Variants in CPS1 observed in about 807,000 individuals in gnomAD.
CPS1 encodes carbamoyl-phosphate synthase 1, also known as carbamoyl-phosphate synthase [ammonia], mitochondrial.
CPS1 carries 109 observed loss-of-function variants against 174.6 expected under a neutral mutation model. The observed-to-expected ratio is 0.62, with a 90% CI of 0.53 to 0.73. CPS1 has a LOEUF of 0.73. Among genes scored for constraint, CPS1 ranks in the 30% least tolerant of loss-of-function variants. The pLI, the probability that CPS1 is intolerant of heterozygous loss-of-function variation, is 0.00. For missense variants in CPS1, 1,689 were observed against 1,821.9 expected, an observed-to-expected ratio of 0.93 and a Z score of 1.33; for synonymous variants, 637 against 632.0, an observed-to-expected ratio of 1.01 and a Z score of -0.12.
chr2:210,551,170 G>A (rs1324511960), intron 1 of CPS1, among the ~76,000 whole-genome samples: 1 of 151,472 alleles, frequency 6.6e-6, no homozygotes, highest in African/African-American at 2.4e-5. Flanking sequence ...TAACTTACAC[G>A]TGACCTCCCT....
intron 20 of CPS1, among the ~76,000 whole-genome samples, chr2:210,613,236 G>A (rs911732992): frequency 7.9e-5 from 12 of 151,838 alleles, no homozygotes; most frequent in Non-Finnish European, 1.5e-4. Context: ...TGAACTCATC[G>A]CAACTTTTAT....
intron 21 of CPS1, among the ~76,000 whole-genome samples, chr2:210,634,936 C>A (rs1394450822): frequency 1.3e-5 from 2 of 152,142 alleles, no homozygotes; most frequent in African/African-American, 4.8e-5. Context: ...CCTTTATCTA[C>A]ATAAAGTTGA....
intron 28 of CPS1, among the ~76,000 whole-genome samples, chr2:210,653,539 A>G (rs79502853): frequency 6.6e-6 from 1 of 152,332 alleles, no homozygotes; most frequent in African/African-American, 2.4e-5. Flanking sequence ...AATAAGACCA[A>G]AAGAAAATGT....
intron 15 of CPS1, among the ~76,000 whole-genome samples, chr2:210,601,431 G>T (rs868825543): frequency 1.3e-5 from 2 of 151,916 alleles, no homozygotes; most frequent in Non-Finnish European, 2.9e-5. Context: ...ACTAAAAATG[G>T]GTTATGTATG....
chr2:210,628,560 A>T (rs1699761715), intron 21 of CPS1, among the ~76,000 whole-genome samples: 1 of 152,182 alleles, frequency 6.6e-6, no homozygotes, highest in Non-Finnish European at 1.5e-5. Flanking sequence ...TTAAGTTTTT[A>T]GGAGGCTGAG....
Position 210,517,102 on chromosome 2 carries a change from C to T in CPS1, c.3+39336C>T, listed in dbSNP as rs538017547. Among the ~76,000 whole-genome samples, 28 of 151,872 alleles carry T rather than the reference C, an allele frequency of 1.8e-4. No individual in the cohort carries two copies. In the South Asian group the frequency reaches 2.7e-3, roughly 15 times the overall value. On this transcript the variant is annotated intron_variant, in intron 1 of 38. Coordinates refer to the CPS1 transcript ENST00000430249. ...TATTTTCCATATGATGTTTTATAAA[C>T]GAGGAAATATTTCATAAAGGACCTT...
At chr2:210,484,992 G>A (rs1270529721) in intron 1 of CPS1, among the ~76,000 whole-genome samples, 1 of 152,074 alleles carries the variant, frequency 6.6e-6, no homozygotes, top group African/African-American at 2.4e-5. Flanking sequence ...ACTTTGGGAG[G>A]CTGAGGTGGG....
intron 12 of CPS1, 86 bp from the exon 13 acceptor site, chr2:210,595,401 A>G (rs1270770835): frequency 3.3e-6 from 3 of 913,592 alleles, no homozygotes; most frequent in Non-Finnish European, 5.5e-6. Context: ...AACTCAGACA[A>G]TGTGGTTTGT....
At chr2:210,493,000 G>C (rs1694909015) in intron 1 of CPS1, among the ~76,000 whole-genome samples, 1 of 152,048 alleles carries the variant, frequency 6.6e-6, no homozygotes, top group African/African-American at 2.4e-5. Context: ...ATAAATAAAA[G>C]TATCTATAAG....
chr2:210,496,480 C>T (rs1326818715), intron 1 of CPS1, among the ~76,000 whole-genome samples: 1 of 152,134 alleles, frequency 6.6e-6, no homozygotes, highest in Non-Finnish European at 1.5e-5. Context: ...TCTTGAGGAG[C>T]TCCTGTGCAA....
chr2:210,606,534 G>A (rs1290987251), intron 17 of CPS1, among the ~76,000 whole-genome samples, 197 bp from the exon 18 acceptor site: 1 of 151,820 alleles, frequency 6.6e-6, no homozygotes, highest in Non-Finnish European at 1.5e-5. Flanking sequence ...CTTGGGAAAG[G>A]TTAGAGAGGT....
intron 1 of CPS1, among the ~76,000 whole-genome samples, chr2:210,479,418 T>G (rs1157431422): frequency 6.7e-6 from 1 of 149,412 alleles, no homozygotes; most frequent in East Asian, 2.0e-4. Flanking sequence ...AACCTCTGAC[T>G]CCCTGGTTCA....
In CPS1 at chr2:210,644,550, ATAG is replaced by A. The variant is rs1186455857; in HGVS notation, c.3141+1889_3141+1891del. Among the ~76,000 whole-genome samples the A allele has an allele frequency of 2.0e-5, 3 of 152,282 alleles. No homozygotes were observed. The East Asian group carries it at 5.8e-4, about 29-fold the overall frequency. ...ATCCTTCTCATTGGCAGGTGTACAG[ATAG>A]TAGAATTTTATAAATTGGAGATAAT... On this transcript the variant is annotated intron_variant, in intron 25 of 37. Coordinates refer to ENST00000233072, the MANE Select transcript of CPS1 (RefSeq NM_001875.5).
intron 27 of CPS1, 36 bp downstream of exon 27, chr2:210,648,576 A>C (rs972446921): frequency 5.9e-6 from 9 of 1,535,092 alleles, no homozygotes; most frequent in African/African-American, 1.4e-5. Context: ...ACAATGATTC[A>C]AAAATTGGGA....
At chr2:210,578,534 C>T (rs747682145) in intron 4 of CPS1, among the ~76,000 whole-genome samples, 3 of 152,108 alleles carry the variant, frequency 2.0e-5, no homozygotes, top group Non-Finnish European at 2.9e-5. Flanking sequence ...GCTTTTTGTT[C>T]AACTGCTGGG....
Position 210,590,386 on chromosome 2 carries a change from T to C in CPS1, c.840+152T>C, listed in dbSNP as rs11895303. On this transcript the variant is annotated intron_variant, in intron 8 of 37. Coordinates refer to ENST00000233072, the MANE Select transcript of CPS1 (RefSeq NM_001875.5). ...AGGCAGTGTCAGTAGAGATATTCTG[T>C]AGGGGAACCAATGAGGAGAGAATAT... 648 of 1,181,632 alleles carry C rather than the reference T, an allele frequency of 5.5e-4. 3 individuals are homozygous for C. In the African/African-American group the frequency reaches 8.4e-3, roughly 15 times the overall value. The allele number at this position is 1,181,632 out of a possible 1,614,324, so 73.2% of individuals were successfully genotyped here. A position where few individuals can be genotyped will look rare whatever the true frequency, so the allele number is the denominator to read the frequency against.
chr2:210,552,563 A>G (rs914205350), upstream of CPS1, among the ~76,000 whole-genome samples: 1 of 152,022 alleles, frequency 6.6e-6, no homozygotes, highest in Admixed American at 6.6e-5. Flanking sequence ...CAAAGGAATT[A>G]CTAACACCCT....
At chr2:210,609,860 C>T (rs1265002928) in intron 19 of CPS1, among the ~76,000 whole-genome samples, 1 of 151,826 alleles carries the variant, frequency 6.6e-6, no homozygotes, top group Non-Finnish European at 1.5e-5. Flanking sequence ...GTCACCAATA[C>T]AGGGAAAAAG....
At chr2:210,635,610 AG>A (rs775374334) in intron 21 of CPS1, among the ~76,000 whole-genome samples, 11 of 152,202 alleles carry the variant, frequency 7.2e-5, no homozygotes, top group Non-Finnish European at 1.0e-4. Context: ...ACATGTGGCT[AG>A]GGGCTGCTAT....
Sources: gnomAD v4.1 joint callset for allele counts (sites outside exome capture counted in the v4.1 genomes callset) on GRCh38, gnomAD v4.1.1 for gene constraint, MANE v1.5 for transcripts, NCBI Gene and HGNC (gene_info 2026-07-23, HGNC 2026-07-21) for gene names.